The following ATXN7L1 variants were observed in gnomAD, a reference collection of about 807,000 sequenced individuals.
ATXN7L1 encodes ataxin-7-like protein 1.
ATXN7L1 carries 15 observed loss-of-function variants against 70.8 expected under a neutral mutation model. The observed-to-expected ratio is 0.21, with a 90% confidence interval of 0.14 to 0.33. The LOEUF is 0.33. Ranked by LOEUF, ATXN7L1 falls within the 10% of genes least tolerant of loss-of-function variation. ATXN7L1 has a pLI of 1.00. For missense variants in ATXN7L1, 975 were observed against 1,097.1 expected, an observed-to-expected ratio of 0.89 and a Z score of 1.57; for synonymous variants, 440 against 445.1, an observed-to-expected ratio of 0.99 and a Z score of 0.14.
chr7:105,842,847 C>T (rs750721952), intron 2 of ATXN7L1, among the ~76,000 whole-genome samples: 1 of 152,110 alleles, frequency 6.6e-6, no homozygotes, highest in Non-Finnish European at 1.5e-5. Context: ...ACAATCCTCG[C>T]CAACACTTGT....
chr7:105,685,492 T>G (rs1325987041), intron 3 of ATXN7L1, among the ~76,000 whole-genome samples: 13 of 152,148 alleles, frequency 8.5e-5, no homozygotes, highest in Non-Finnish European at 5.9e-5. Context: ...ATAATGAGAT[T>G]CCTGATCTCC....
chr7:105,730,345 G>A (rs1316236645), intron 3 of ATXN7L1, among the ~76,000 whole-genome samples: 1 of 152,086 alleles, frequency 6.6e-6, no homozygotes, highest in Non-Finnish European at 1.5e-5. Flanking sequence ...ATCAACAGAA[G>A]GGTATCCTAT....
At chr7:105,740,514 T>G (rs536691217) in intron 3 of ATXN7L1, among the ~76,000 whole-genome samples, 1 of 152,248 alleles carries the variant, frequency 6.6e-6, no homozygotes, top group South Asian at 2.1e-4. Flanking sequence ...CTCCCAGAGA[T>G]GCTAAACCGC....
chr7:105,770,398 A>C (rs778797669), intron 3 of ATXN7L1, among the ~76,000 whole-genome samples: 1 of 152,232 alleles, frequency 6.6e-6, no homozygotes, highest in Non-Finnish European at 1.5e-5. Context: ...AGAGGAGAGA[A>C]TCTTTTTCCT....
chr7:105,737,262 TA>T (rs1434006877), intron 3 of ATXN7L1, among the ~76,000 whole-genome samples: 33 of 152,358 alleles, frequency 2.2e-4, no homozygotes, highest in Non-Finnish European at 2.5e-4. Flanking sequence ...AAATGGTGAT[TA>T]AATCTTCTTT....
intron 2 of ATXN7L1, among the ~76,000 whole-genome samples, chr7:105,801,185 CA>C (rs1266194293): frequency 1.1e-4 from 16 of 152,276 alleles, no homozygotes; most frequent in Non-Finnish European, 1.8e-4. Flanking sequence ...TTTAAAAAAA[CA>C]GAGCAAAACA....
rs112671408 is a variant in ATXN7L1 at position 105,694,231 on chromosome 7, A to G, written c.356-28943T>C. Reference sequence around the variant, plus strand: ...CCTGGCTAATTTTTATATTTTTAGTAGAGATGGTTTCACCATGTTGGCCAG... The same window carrying G: ...CCTGGCTAATTTTTATATTTTTAGTGGAGATGGTTTCACCATGTTGGCCAG... On this transcript the variant is annotated intron_variant, in intron 3 of 11. Coordinates refer to ENST00000419735, the MANE Select transcript of ATXN7L1 (RefSeq NM_020725.2). Among the ~76,000 whole-genome samples the G allele has an allele frequency of 2.1e-3, 314 of 151,788 alleles. 3 individuals are homozygous for G. The highest frequency in any genetic ancestry group is 7.4e-3 in the African/African-American group (305 of 41,376).
chr7:105,622,396 C>T (rs1052381678), intron 8 of ATXN7L1, among the ~76,000 whole-genome samples: 53 of 152,256 alleles, frequency 3.5e-4, no homozygotes, highest in African/African-American at 1.2e-3. Flanking sequence ...TATCTGATTC[C>T]GTACAGATGC....
intron 3 of ATXN7L1, among the ~76,000 whole-genome samples, chr7:105,686,591 C>T (rs1806212068): frequency 6.6e-6 from 1 of 152,136 alleles, no homozygotes; most frequent in Admixed American, 6.5e-5. Context: ...CTTAGCCTAC[C>T]CTATCTTAAA....
At chr7:105,770,956 C>G (rs997726781) in intron 3 of ATXN7L1, among the ~76,000 whole-genome samples, 1 of 152,028 alleles carries the variant, frequency 6.6e-6, no homozygotes, top group Non-Finnish European at 1.5e-5. Flanking sequence ...AATCCCAGAA[C>G]TTTGGGAGGC....
chr7:105,764,259 G>C (rs1389040677), intron 3 of ATXN7L1, among the ~76,000 whole-genome samples: 1 of 150,542 alleles, frequency 6.6e-6, no homozygotes, highest in Non-Finnish European at 1.5e-5. Context: ...AAATCAGACA[G>C]AGATAGATGT....
intron 9 of ATXN7L1, chr7:105,617,753 A>G (rs1344751953): frequency 2.8e-6 from 1 of 358,592 alleles, no homozygotes; most frequent in Admixed American, 3.7e-5. Flanking sequence ...ACAGTGCCCA[A>G]CCTCCCCTGC....
intron 9 of ATXN7L1, among the ~76,000 whole-genome samples, chr7:105,616,262 G>A (rs1793879328): frequency 6.6e-6 from 1 of 152,134 alleles, no homozygotes; most frequent in Admixed American, 6.5e-5. Context: ...TTCTTTGGAG[G>A]CCACTCTCCC....
intron 3 of ATXN7L1, among the ~76,000 whole-genome samples, chr7:105,774,353 C>CTTTTT (rs34037396): frequency 7.4e-6 from 1 of 135,404 alleles, no homozygotes; most frequent in African/African-American, 2.8e-5. Flanking sequence ...GCCAGCAACC[C>CTTTTT]TTTTTTTTTT....
chr7:105,872,433 AGATAAGTG>A (rs530165329), intron 2 of ATXN7L1, among the ~76,000 whole-genome samples: 81 of 152,348 alleles, frequency 5.3e-4, no homozygotes, highest in African/African-American at 1.9e-3. Flanking sequence ...GTCCACCAAC[AGATAAGTG>A]GATAACAAAA....
chr7:105,727,746 G>GTGTGTGTATATATATA (rs1333693053), intron 3 of ATXN7L1, among the ~76,000 whole-genome samples: 3 of 55,342 alleles, frequency 5.4e-5, no homozygotes, highest in East Asian at 9.3e-4. Context: ...GTGTATGTGT[G>GTGTGTGTATATATATA]TATATATATA....
At chr7:105,774,302 A>G (rs1467399801) in intron 3 of ATXN7L1, among the ~76,000 whole-genome samples, 2 of 151,324 alleles carry the variant, frequency 1.3e-5, no homozygotes, top group Admixed American at 1.3e-4. Context: ...TGATGCCCAG[A>G]GCTGACAAAT....
chr7:105,668,914 T>C (rs539710540), intron 3 of ATXN7L1, among the ~76,000 whole-genome samples: 285 of 151,856 alleles, frequency 1.9e-3, no homozygotes, highest in Non-Finnish European at 2.9e-3. Flanking sequence ...AAAACATATA[T>C]ATATATTTTT....
intron 2 of ATXN7L1, among the ~76,000 whole-genome samples, chr7:105,807,599 T>C (rs922562938): frequency 6.6e-6 from 1 of 152,210 alleles, no homozygotes; most frequent in Non-Finnish European, 1.5e-5. Context: ...CAACAGACCA[T>C]TAGCAACTGT....
Sources: gnomAD v4.1 joint callset for allele counts (sites outside exome capture counted in the v4.1 genomes callset) on GRCh38, gnomAD v4.1.1 for gene constraint, MANE v1.5 for transcripts, NCBI Gene and HGNC (gene_info 2026-07-23, HGNC 2026-07-21) for gene names.